PLS1: variants seen among roughly 807,000 people sequenced by gnomAD.
PLS1 encodes plastin-1.
In PLS1, 32 loss-of-function variants were observed where a neutral mutation model predicts 73.7. The observed-to-expected ratio is 0.43, with a 90% CI of 0.33 to 0.58. The LOEUF is 0.58. Ranked by LOEUF, PLS1 falls within the 20% of genes least tolerant of loss-of-function variation. PLS1 has a pLI of 0.04. For missense variants in PLS1, 633 were observed against 740.5 expected (o/e 0.85, Z 1.68); for synonymous variants, 217 against 261.3 (o/e 0.83, Z 1.63).
chr3:142,629,945 G>A (rs2036517337), intron 1 of PLS1, among the ~76,000 whole-genome samples: 1 of 152,068 alleles, frequency 6.6e-6, no homozygotes, highest in Admixed American at 6.6e-5. Context: ...TGTCCTCTGG[G>A]GATCATAGTC....
intron 1 of PLS1, among the ~76,000 whole-genome samples, chr3:142,651,224 C>G (rs1315307263): frequency 6.6e-6 from 1 of 151,800 alleles, no homozygotes; most frequent in Non-Finnish European, 1.5e-5. Context: ...TTTTGGGAGC[C>G]CGAGGCAGGT....
At chr3:142,614,432 G>A (rs1331805702) in intron 1 of PLS1, among the ~76,000 whole-genome samples, 1 of 152,190 alleles carries the variant, frequency 6.6e-6, no homozygotes, top group Non-Finnish European at 1.5e-5. Flanking sequence ...AGACTTCAAG[G>A]TTCACATGTT....
intron 4 of PLS1, among the ~76,000 whole-genome samples, chr3:142,675,800 G>A (rs1282509326): frequency 1.3e-5 from 2 of 152,036 alleles, no homozygotes; most frequent in East Asian, 1.9e-4. Flanking sequence ...TCAGCCTCTC[G>A]AGTAGCTGGG....
intron 1 of PLS1, among the ~76,000 whole-genome samples, chr3:142,605,174 A>T (rs2035997132): frequency 6.6e-6 from 1 of 152,148 alleles, no homozygotes; most frequent in Non-Finnish European, 1.5e-5. Context: ...AAGATAGTGG[A>T]TGTGAAAGTA....
intron 2 of PLS1, among the ~76,000 whole-genome samples, chr3:142,667,801 G>C (rs547868071): frequency 6.6e-6 from 1 of 152,270 alleles, no homozygotes; most frequent in Admixed American, 6.5e-5. Context: ...ATCTATGTGT[G>C]TATTTCAGAA....
In PLS1 at chr3:142,637,167, C is replaced by T. The variant is rs139869612; in HGVS notation, c.-36-27035C>T. 1.6e-3 allele frequency among the ~76,000 whole-genome samples: 240 copies of T among 152,246 alleles called. 2 individuals are homozygous for T. Among genetic ancestry groups the T allele is most frequent in the Middle Eastern group, 3.4e-3 (1 of 294 alleles). On this transcript the variant is annotated intron_variant, in intron 1 of 15. Coordinates refer to ENST00000457734, the MANE Select transcript of PLS1 (RefSeq NM_001145319.2). ...CAAAATCTGTGAACAACCTAAGTGT[C>T]TTCATGATTTATCCATTCAAAAGAA...
chr3:142,698,014 T>C lies in PLS1; in HGVS notation c.1318T>C (p.Trp440Arg). The change falls in exon 12 of 16, where the codon TGG becomes CGG. Residue 440 changes from tryptophan (W) to arginine (R), a missense_variant. Coordinates refer to ENST00000457734, the MANE Select transcript of PLS1 (RefSeq NM_001145319.2). ...TGAGATGATCCGAGTGCCAGTCAAC[T>C]GGAGCCATGTCAACAAACCTCCTTA... Reference protein sequence around the residue: ...LYEMIRVPVNWSHVNKPPYPA... With the variant: ...LYEMIRVPVNRSHVNKPPYPA... 1 of 1,613,688 alleles carries C rather than the reference T, an allele frequency of 6.2e-7. No individual in the cohort carries two copies.
intron 10 of PLS1, among the ~76,000 whole-genome samples, chr3:142,691,961 C>G (rs1183682345): frequency 6.6e-6 from 1 of 152,148 alleles, no homozygotes; most frequent in Non-Finnish European, 1.5e-5. Context: ...AGGCCATAAA[C>G]TATCAGACTT....
intron 1 of PLS1, among the ~76,000 whole-genome samples, chr3:142,624,947 G>A (rs958320050): frequency 3.6e-5 from 5 of 140,594 alleles, no homozygotes; most frequent in East Asian, 3.9e-4. Flanking sequence ...GGAGGAGGAG[G>A]ATAACATTCT....
intron 12 of PLS1, among the ~76,000 whole-genome samples, chr3:142,703,488 G>A (rs2038377745): frequency 6.6e-6 from 1 of 152,002 alleles, no homozygotes; most frequent in African/African-American, 2.4e-5. Flanking sequence ...TAGAGATGAG[G>A]TTTCACCATG....
At chr3:142,662,758 A>G (rs2037398381) in intron 1 of PLS1, among the ~76,000 whole-genome samples, 1 of 152,252 alleles carries the variant, frequency 6.6e-6, no homozygotes, top group East Asian at 1.9e-4. Flanking sequence ...GGGATTTACC[A>G]AATAAGTTAT....
Position 142,711,606 on chromosome 3 carries a change from G to C in PLS1, c.1735G>C (p.Asp579His), listed in dbSNP as rs773168114. 2 of 1,608,154 alleles carry C rather than the reference G, an allele frequency of 1.2e-6. No homozygotes were observed. Among genetic ancestry groups the C allele is most frequent in the Non-Finnish European group, 1.7e-6 (2 of 1,175,680 alleles). ...CAGGAGAGAAAACTTATCTGATGAGGACAAGCTGAACAATGCTAAGTAAGC... is the reference window on the plus strand; with the variant it reads ...CAGGAGAGAAAACTTATCTGATGAGCACAAGCTGAACAATGCTAAGTAAGC... ...MIRRENLSDE[D>H]KLNNAKYAIS... is the part of the protein sequence containing the mutation. Residue 579 changes from aspartate (D) to histidine (H), a missense_variant, in exon 15 of 16, where the codon GAC becomes CAC. Physicochemically the swap from Asp to His is moderately conservative, Grantham distance 81. Coordinates refer to ENST00000457734, the MANE Select transcript of PLS1 (RefSeq NM_001145319.2).
intron 14 of PLS1, among the ~76,000 whole-genome samples, chr3:142,706,945 GA>G (rs1163695018): frequency 6.6e-6 from 1 of 152,104 alleles, no homozygotes; most frequent in East Asian, 1.9e-4. Context: ...GTAATTTTAG[GA>G]AAATGGGGGT....
intron 4 of PLS1, among the ~76,000 whole-genome samples, chr3:142,671,352 C>T (rs1012060285): frequency 6.6e-6 from 1 of 152,082 alleles, no homozygotes; most frequent in South Asian, 2.1e-4. Context: ...TCAATGAGTT[C>T]CTGCTGTGTA....
At chr3:142,672,756 TAGC>T (rs1246037609) in intron 4 of PLS1, among the ~76,000 whole-genome samples, 3 of 152,174 alleles carry the variant, frequency 2.0e-5, no homozygotes, top group African/African-American at 4.8e-5. Flanking sequence ...TTATAAAAAA[TAGC>T]AGCTTTATTG....
intron 8 of PLS1, among the ~76,000 whole-genome samples, chr3:142,684,883 A>T (rs1318658855): frequency 1.3e-5 from 2 of 152,182 alleles, no homozygotes; most frequent in Non-Finnish European, 2.9e-5. Flanking sequence ...TTCCCTCTCT[A>T]CTGGGAGAAT....
chr3:142,615,389 T>C (rs1043252548), intron 1 of PLS1, among the ~76,000 whole-genome samples: 9 of 152,016 alleles, frequency 5.9e-5, no homozygotes, highest in African/African-American at 2.2e-4. Flanking sequence ...GCTTCCAGAG[T>C]GAGGTCACAG....
At chr3:142,639,838 C>A (rs2036790058) in intron 1 of PLS1, among the ~76,000 whole-genome samples, 1 of 152,122 alleles carries the variant, frequency 6.6e-6, no homozygotes, top group South Asian at 2.1e-4. Context: ...GAGAATAAAT[C>A]TAATATTTTT....
intron 9 of PLS1, among the ~76,000 whole-genome samples, chr3:142,687,415 G>A (rs574272701): frequency 1.5e-4 from 23 of 152,186 alleles, no homozygotes; most frequent in Admixed American, 2.6e-4. Context: ...AAAGTGCGGC[G>A]TCCGTAACAT....
Sources: gnomAD v4.1 joint callset for allele counts (sites outside exome capture counted in the v4.1 genomes callset) on GRCh38, gnomAD v4.1.1 for gene constraint, MANE v1.5 for transcripts, NCBI Gene and HGNC (gene_info 2026-07-23, HGNC 2026-07-21) for gene names.